CACNA2D3: variants seen among roughly 807,000 people sequenced by gnomAD.
CACNA2D3 encodes calcium voltage-gated channel auxiliary subunit alpha2delta 3.
Under a neutral mutation model 160.6 loss-of-function variants are expected in CACNA2D3, and 60 were observed. The observed-to-expected ratio is 0.37, with a 90% CI of 0.30 to 0.46. CACNA2D3 has a LOEUF of 0.46. Among genes scored for constraint, CACNA2D3 ranks in the 20% least tolerant of loss-of-function variants. CACNA2D3 has a pLI of 1.00. For missense variants in CACNA2D3, 1,205 were observed against 1,365.0 expected (o/e 0.88, Z 1.85); for synonymous variants, 558 against 492.9 (o/e 1.13, Z -1.75).
At chr3:54,562,456 A>AAAAGCG (rs1702341475) in intron 5 of CACNA2D3, among the ~76,000 whole-genome samples, 1 of 152,202 alleles carries the variant, frequency 6.6e-6, no homozygotes, top group Admixed American at 6.5e-5. Context: ...GGGGAAAAGC[A>AAAAGCG]GGAAAATAAT....
At chr3:54,420,554 G>A (rs537053994) in intron 4 of CACNA2D3, among the ~76,000 whole-genome samples, 1 of 152,278 alleles carries the variant, frequency 6.6e-6, no homozygotes, top group African/African-American at 2.4e-5. Flanking sequence ...TCCAGTCTCA[G>A]GTTATTATTT....
chr3:54,182,019 GATAA>G (rs1275100874), intron 2 of CACNA2D3, among the ~76,000 whole-genome samples: 1 of 152,072 alleles, frequency 6.6e-6, no homozygotes, highest in African/African-American at 2.4e-5. Context: ...TTGAAATGTC[GATAA>G]ATACACCCTT....
At chr3:54,804,262 A>C (rs1260814239) in intron 13 of CACNA2D3, among the ~76,000 whole-genome samples, 1 of 151,986 alleles carries the variant, frequency 6.6e-6, no homozygotes, top group African/African-American at 2.4e-5. Flanking sequence ...CAGACTGGCA[A>C]ATTGGATAAA....
chr3:54,275,652 C>CT (rs11425246), intron 2 of CACNA2D3, among the ~76,000 whole-genome samples: 30,689 of 152,060 alleles, frequency 0.2, 3,232 homozygotes, highest in East Asian at 0.27. Flanking sequence ...AAGTCTCACT[C>CT]TGTCACCCAG....
At chr3:54,349,313 T>G (rs920702213) in intron 3 of CACNA2D3, among the ~76,000 whole-genome samples, 1 of 152,180 alleles carries the variant, frequency 6.6e-6, no homozygotes, top group Non-Finnish European at 1.5e-5. Context: ...CATCCTGGCC[T>G]GGCCTCCTGC....
chr3:54,862,735 T>A (rs7644942), intron 17 of CACNA2D3, among the ~76,000 whole-genome samples: 1 of 151,840 alleles, frequency 6.6e-6, no homozygotes, highest in Non-Finnish European at 1.5e-5. Context: ...CCGAACTACT[T>A]ACCACAGGAG....
intron 4 of CACNA2D3, among the ~76,000 whole-genome samples, chr3:54,422,042 CAG>C (rs1391030480): frequency 3.9e-5 from 6 of 152,146 alleles, no homozygotes; most frequent in African/African-American, 1.2e-4. Context: ...TTCCATGTGG[CAG>C]AGAGGACGTG....
intron 11 of CACNA2D3, among the ~76,000 whole-genome samples, chr3:54,644,556 G>A (rs1262158228): frequency 6.6e-6 from 1 of 152,200 alleles, no homozygotes; most frequent in Non-Finnish European, 1.5e-5. Flanking sequence ...TATTTTGAAT[G>A]TTAGCTATTC....
chr3:54,865,253 A>T (rs1204718283), intron 17 of CACNA2D3, among the ~76,000 whole-genome samples: 1 of 152,248 alleles, frequency 6.6e-6, no homozygotes, highest in African/African-American at 2.4e-5. Context: ...TGGTGTTAGT[A>T]AGGGCAATAT....
At chr3:55,018,461 C>T (rs1703376768) in intron 35 of CACNA2D3, 144 bp downstream of exon 35, 1 of 605,692 alleles carries the variant, frequency 1.7e-6, no homozygotes, top group Non-Finnish European at 3.0e-6. Flanking sequence ...TTTCTATCAG[C>T]TTGGAAGAAA....
chr3:54,913,833 C>T lies in CACNA2D3; in HGVS notation c.2449+13965C>T, dbSNP rs370887771. On this transcript the variant is annotated intron_variant, in intron 27 of 37. Coordinates refer to ENST00000474759, the MANE Select transcript of CACNA2D3 (RefSeq NM_018398.3). ...TAGTGGTGTGACGTTGAGCAAATGA[C>T]CTAAGCTGTCTGTGTCTTCGTATGT... Among the ~76,000 whole-genome samples, 142 of 152,270 alleles carry T rather than the reference C, an allele frequency of 9.3e-4. 1 individual carries two copies. Among genetic ancestry groups the T allele is most frequent in the Admixed American group, 2.9e-3 (44 of 15,292 alleles).
chr3:55,067,866 A>G (rs1365976678), intron 35 of CACNA2D3, among the ~76,000 whole-genome samples: 3 of 152,238 alleles, frequency 2.0e-5, no homozygotes, highest in Non-Finnish European at 2.9e-5. Context: ...CAAAACAAAA[A>G]GCCTTACCAA....
intron 11 of CACNA2D3, among the ~76,000 whole-genome samples, chr3:54,654,906 C>T (rs1225414634): frequency 6.6e-6 from 1 of 152,194 alleles, no homozygotes; most frequent in Non-Finnish European, 1.5e-5. Context: ...CCTCTCCCTC[C>T]TCCATGGATG....
Position 55,004,814 on chromosome 3 carries a change from C to G in CACNA2D3, c.2742C>G (p.Ser914Arg). ...QAMCRANKESSDGAHGLLDPY... is the reference protein window; with the variant it reads ...QAMCRANKESRDGAHGLLDPY... ...TGTGTAGAGCCAACAAGGAAAGCAG[C>G]GATGGCGCCCATGGCCTCCTGGATG... Residue 914 changes from serine (S) to arginine (R), a missense_variant, in exon 32 of 38, where the codon AGC (serine) becomes AGG (arginine). Around this residue, in one of 3 missense-constraint regions of CACNA2D3, gnomAD observed 911 missense variants for 1,002.2 expected, o/e 0.91. Coordinates refer to ENST00000474759, the MANE Select transcript of CACNA2D3 (RefSeq NM_018398.3). 6.2e-7 allele frequency: 1 copy of G among 1,613,332 alleles called. No homozygotes were observed.
intron 17 of CACNA2D3, among the ~76,000 whole-genome samples, chr3:54,856,097 C>T (rs1228240612): frequency 6.6e-6 from 1 of 152,200 alleles, no homozygotes; most frequent in African/African-American, 2.4e-5. Context: ...ACTGATGAGA[C>T]TGTGTTTTGT....
chr3:54,298,675 C>G (rs1703396159), intron 2 of CACNA2D3, among the ~76,000 whole-genome samples: 1 of 151,946 alleles, frequency 6.6e-6, no homozygotes, highest in Non-Finnish European at 1.5e-5. Flanking sequence ...TGGTGCATAC[C>G]TGTAGTCCCA....
rs9876249 is a variant in CACNA2D3 at position 54,918,262 on chromosome 3, A to G, written c.2449+18394A>G. The G allele has an allele frequency of 9.4e-3, 5,474 of 579,272 alleles. 263 individuals carry two copies. In the African/African-American group the frequency reaches 0.096, roughly 10 times the overall value. 35.9% of individuals were successfully genotyped at this position (579,272 alleles called of 1,614,324 possible). A position where few individuals can be genotyped will look rare whatever the true frequency, so the allele number is the denominator to read the frequency against. On this transcript the variant is annotated intron_variant, in intron 27 of 37. Transcript: ENST00000474759. ...CACAAGTATCATCTTTATTTTACCTATAGTATTTTAAAAATCGCAACATAA... is the reference window on the plus strand; with the variant it reads ...CACAAGTATCATCTTTATTTTACCTGTAGTATTTTAAAAATCGCAACATAA...
intron 10 of CACNA2D3, chr3:54,637,984 C>G (rs1699416919): frequency 6.6e-6 from 1 of 152,088 alleles, no homozygotes; most frequent in African/African-American, 2.4e-5. Flanking sequence ...CGTCTGGCTG[C>G]TACAGTTCAG....
chr3:54,640,175 A>G (rs921611611), intron 10 of CACNA2D3, among the ~76,000 whole-genome samples: 1 of 152,226 alleles, frequency 6.6e-6, no homozygotes, highest in Non-Finnish European at 1.5e-5. Flanking sequence ...AGGGGATGCG[A>G]TGGCTTGGCT....
Sources: gnomAD v4.1 joint callset for allele counts (sites outside exome capture counted in the v4.1 genomes callset) on GRCh38, gnomAD v4.1.1 for gene constraint, gnomAD v4.1.1 regional missense constraint, MANE v1.5 for transcripts, NCBI Gene and HGNC (gene_info 2026-07-23, HGNC 2026-07-21) for gene names.